Variants in PDE4DIP observed in about 807,000 individuals in gnomAD.
PDE4DIP encodes the protein myomegalin.
In PDE4DIP, 59 loss-of-function variants were observed where a neutral mutation model predicts 221.4. The ratio of observed to expected loss-of-function variants is 0.27; its 90% CI spans 0.22 to 0.33. The LOEUF is 0.33. Among genes scored for constraint, PDE4DIP ranks in the 10% least tolerant of loss-of-function variants. PDE4DIP has a pLI of 1.00. For missense variants in PDE4DIP, 1,036 were observed against 2,154.2 expected (o/e 0.48, Z 10.28); for synonymous variants, 404 against 815.9 (o/e 0.50, Z 8.60).
intron 36 of PDE4DIP, chr1:149,020,701 C>G (rs2072490452): frequency 2.7e-6 from 1 of 376,490 alleles, no homozygotes; most frequent in African/African-American, 2.0e-5. Context: ...TTGGTCCCAG[C>G]ATAAGCCCTG....
chr1:149,003,686 GC>G lies in PDE4DIP; in HGVS notation c.3844del (p.Arg1282GlufsTer27). ...CAGGACCTGGGCTATGAGACTTGTGGCCGAAGCGAGAATGAGGCTGAACGGG... is the reference window on the plus strand; with the variant it reads ...CAGGACCTGGGCTATGAGACTTGTGGCGAAGCGAGAATGAGGCTGAACGGG... On this transcript the variant is annotated frameshift_variant, in exon 26 of 44. Transcript: ENST00000369354. LOFTEE classifies it high-confidence loss of function. 6.3e-7 allele frequency: 1 copy of G among 1,593,298 alleles called. No homozygotes were observed. Among genetic ancestry groups the G allele is most frequent in the Non-Finnish European group, 8.6e-7 (1 of 1,161,010 alleles).
exon 41 of PDE4DIP, chr1:149,028,610 G>A: frequency 6.2e-7 from 1 of 1,609,690 alleles, no homozygotes; most frequent in Non-Finnish European, 8.5e-7. Flanking sequence ...CCAGTGCCCT[G>A]CACCATGCCC....
At chr1:148,939,804 G>C (rs1378313914) in intron 5 of PDE4DIP, 3 of 149,684 alleles carry the variant, frequency 2.0e-5, no homozygotes, top group African/African-American at 7.3e-5. Flanking sequence ...TTAGCCAAAA[G>C]GCCGAGAAGC....
intron 5 of PDE4DIP, among the ~76,000 whole-genome samples, chr1:148,948,809 CTT>C (rs1235812160): frequency 2.6e-5 from 4 of 151,694 alleles, no homozygotes; most frequent in Admixed American, 6.6e-5. Flanking sequence ...CAGAAAATTT[CTT>C]TGTGCCCCTT....
intron 1 of PDE4DIP, among the ~76,000 whole-genome samples, chr1:148,815,207 G>A (rs11800193): frequency 0.01 from 1,239 of 121,664 alleles, 3 homozygotes; most frequent in African/African-American, 0.031. Flanking sequence ...TAAATATAAG[G>A]TTATATTTTA....
chr1:149,032,505 C>A (rs2076971602), exon 44 of PDE4DIP: 1 of 282,120 alleles, frequency 3.5e-6, no homozygotes, highest in East Asian at 5.1e-5. Flanking sequence ...CTCACAGATC[C>A]ACACCTGACC....
intron 41 of PDE4DIP, among the ~76,000 whole-genome samples, chr1:149,029,009 A>C (rs1553633302): frequency 1.3e-5 from 2 of 152,212 alleles, no homozygotes; most frequent in African/African-American, 4.8e-5. Context: ...TGTTCAGTTT[A>C]TTTACTTCTC....
chr1:148,986,342 G>A (rs587678273), intron 21 of PDE4DIP: 1 of 152,280 alleles, frequency 6.6e-6, no homozygotes, highest in Admixed American at 6.5e-5. Context: ...TCATGGCACT[G>A]TGCTGTTAAT....
chr1:149,000,558 A>T (rs1276479277), intron 23 of PDE4DIP, among the ~76,000 whole-genome samples: 2 of 151,896 alleles, frequency 1.3e-5, no homozygotes, highest in African/African-American at 4.8e-5. Flanking sequence ...TGTCTCAAAA[A>T]AAAAAAATAA....
chr1:148,885,051 C>T (rs1695393940), upstream of PDE4DIP, among the ~76,000 whole-genome samples: 1 of 147,056 alleles, frequency 6.8e-6, no homozygotes, highest in African/African-American at 2.5e-5. Flanking sequence ...TATTGAGCAC[C>T]AGCTATGTAT....
At chr1:149,014,318 G>A (rs587732878) in intron 32 of PDE4DIP, among the ~76,000 whole-genome samples, 26 of 45,680 alleles carry the variant, frequency 5.7e-4, no homozygotes, top group African/African-American at 2.3e-3. Context: ...ATCAAACTCT[G>A]GGGACTCGTT....
At chr1:148,929,436 C>T (rs2047353876) in intron 2 of PDE4DIP, 163 bp downstream of exon 5, 7 of 1,067,980 alleles carry the variant, frequency 6.6e-6, no homozygotes, top group Non-Finnish European at 9.2e-6. Context: ...TTCCCTTGGG[C>T]TCTTTCTCTA....
At position 149,022,667 on chromosome 1, in the gene PDE4DIP, A is replaced by G. The variant is rs1350294522; in HGVS notation, c.6085+1514A>G. Among the ~76,000 whole-genome samples, 3 of 151,592 alleles carry G rather than the reference A, an allele frequency of 2.0e-5. No individual in the cohort carries two copies. The East Asian group carries it at 5.9e-4, about 30-fold the overall frequency. On this transcript the variant is annotated intron_variant, in intron 37 of 43. Coordinates refer to ENST00000369354, the Ensembl canonical transcript of PDE4DIP. ...CTTGAGGTTGGAGTGAGAAGTCAGGATGGTGGAGCAGAGTCACCAAATCTT... is the reference window on the plus strand; with the variant it reads ...CTTGAGGTTGGAGTGAGAAGTCAGGGTGGTGGAGCAGAGTCACCAAATCTT...
chr1:148,981,096 A>C (rs1553542361), intron 20 of PDE4DIP, among the ~76,000 whole-genome samples, 174 bp from the exon 24 acceptor site: 1 of 152,230 alleles, frequency 6.6e-6, no homozygotes, highest in Non-Finnish European at 1.5e-5. Context: ...CTAATCTATC[A>C]GCAGTGAACA....
chr1:148,990,325 C>G, intron 21 of PDE4DIP: 1 of 985,268 alleles, frequency 1.0e-6, no homozygotes. Flanking sequence ...AAACAAAACC[C>G]CTGTGTGGCA....
chr1:148,868,225 TA>T (rs1687738617), intron 2 of PDE4DIP, among the ~76,000 whole-genome samples: 1 of 84,468 alleles, frequency 1.2e-5, no homozygotes, highest in Non-Finnish European at 2.7e-5. Context: ...GTTGGGGAAA[TA>T]GGCTCTACTT....
intron 1 of PDE4DIP, among the ~76,000 whole-genome samples, chr1:148,912,232 C>T (rs1418763549): frequency 4.1e-5 from 6 of 145,926 alleles, no homozygotes; most frequent in Admixed American, 6.8e-5. Flanking sequence ...ATAAAAGCAT[C>T]CTAGACTGGT....
rs1270179205 is a variant in PDE4DIP at position 148,933,643 on chromosome 1, T to C, written c.518+1355T>C. Among the ~76,000 whole-genome samples, 3 of 152,174 alleles carry C rather than the reference T, an allele frequency of 2.0e-5. No individual in the cohort carries two copies. In the East Asian group the frequency reaches 5.8e-4, roughly 29 times the overall value. On this transcript the variant is annotated intron_variant, in intron 4 of 43. Coordinates refer to ENST00000369354, the Ensembl canonical transcript of PDE4DIP. ...TAAAAAGCTTTAAGGAGCTTTTAACTGAATAGGCAAAAACCACATGTGCAT... is the reference window on the plus strand; with the variant it reads ...TAAAAAGCTTTAAGGAGCTTTTAACCGAATAGGCAAAAACCACATGTGCAT...
intron 32 of PDE4DIP, among the ~76,000 whole-genome samples, chr1:149,013,162 G>A (rs1291784381): frequency 2.6e-5 from 4 of 152,214 alleles, no homozygotes; most frequent in Non-Finnish European, 4.4e-5. Context: ...CATTCAGTGG[G>A]CTCCTTTGTG....
Sources: gnomAD v4.1 joint callset for allele counts (sites outside exome capture counted in the v4.1 genomes callset) on GRCh38, gnomAD v4.1.1 for gene constraint, MANE v1.5 for transcripts, NCBI Gene and HGNC (gene_info 2026-07-23, HGNC 2026-07-21) for gene names.